ACSM4: variants seen among roughly 807,000 people sequenced by gnomAD.
The protein encoded by ACSM4 is acyl-CoA synthetase medium chain family member 4.
ACSM4 carries 66 observed loss-of-function variants against 73.0 expected under a neutral mutation model. That is an observed-to-expected ratio of 0.90 (90% CI 0.74 to 1.11). The LOEUF is 1.11. Among genes scored for constraint, ACSM4 ranks in the 50% least tolerant of loss-of-function variants. ACSM4 has a pLI of 0.00. For missense variants in ACSM4, 645 were observed against 714.4 expected (o/e 0.90, Z 1.11); for synonymous variants, 222 against 254.0 (o/e 0.87, Z 1.20).
In ACSM4 at chr12:7,328,433, C is replaced by T; in HGVS notation, c.*60C>T. ...TGGTTGCTTTCTTTTAGTATTTGTT[C>T]CGATAATTCAGCGACTACTCTCTTA... On this transcript the variant is annotated 3_prime_UTR_variant, in exon 13 of 13. Coordinates refer to ENST00000399422, the MANE Select transcript of ACSM4 (RefSeq NM_001080454.2). 7.8e-7 allele frequency: 1 copy of T among 1,277,678 alleles called. No individual in the cohort carries two copies. Among genetic ancestry groups the T allele is most frequent in the Non-Finnish European group, 1.1e-6 (1 of 935,800 alleles). 79.1% of individuals were successfully genotyped at this position (1,277,678 alleles called of 1,614,324 possible).
intron 9 of ACSM4, 125 bp from the exon 10 acceptor site, chr12:7,324,148 T>A: frequency 8.6e-7 from 1 of 1,167,602 alleles, no homozygotes; most frequent in South Asian, 1.7e-5. Flanking sequence ...AGAGAGAGAC[T>A]CTGTCTCAAA....
chr12:7,318,957 G>A (rs1946440625), intron 5 of ACSM4, among the ~76,000 whole-genome samples: 1 of 152,154 alleles, frequency 6.6e-6, no homozygotes, highest in South Asian at 2.1e-4. Context: ...ATTTTCCCAT[G>A]GACTAGGGGG....
At chr12:7,319,967 C>A (rs373331990) in intron 5 of ACSM4, among the ~76,000 whole-genome samples, 1 of 152,258 alleles carries the variant, frequency 6.6e-6, no homozygotes, top group South Asian at 2.1e-4. Context: ...TTAGACTCTG[C>A]GGAGCAGATA....
At chr12:7,310,232 C>T (rs1310993031) in intron 2 of ACSM4, among the ~76,000 whole-genome samples, 2 of 152,162 alleles carry the variant, frequency 1.3e-5, no homozygotes, top group African/African-American at 4.8e-5. Context: ...ATAATGTCTG[C>T]TCAGACACTT....
rs1314154409 is a variant in ACSM4, at chr12:7,306,637, C to T, written c.306C>T (p.Ala102=). Residue 102 remains alanine (A), a synonymous_variant, in exon 2 of 13, where the codon GCC becomes GCT. Coordinates refer to ENST00000399422, the MANE Select transcript of ACSM4 (RefSeq NM_001080454.2). ...RELGSLSRKA[A]NVLTKPCGLQ... is the part of the protein sequence containing the mutation. ...TGGGCTCCTTGTCCCGAAAAGCTGC[C>T]AACGTGCTCACCAAGCCCTGTGGCC... The T allele has an allele frequency of 6.2e-7, 1 of 1,607,600 alleles. No individual in the cohort carries two copies. Among genetic ancestry groups the T allele is most frequent in the Admixed American group, 1.7e-5 (1 of 59,116 alleles).
intron 3 of ACSM4, among the ~76,000 whole-genome samples, chr12:7,312,761 T>A (rs1395013712): frequency 6.6e-6 from 1 of 152,230 alleles, no homozygotes; most frequent in Admixed American, 6.5e-5. Flanking sequence ...CTTAGCTTAA[T>A]GCCTGGCACA....
intron 3 of ACSM4, among the ~76,000 whole-genome samples, chr12:7,313,641 A>G (rs1278357827): frequency 6.6e-6 from 1 of 152,160 alleles, no homozygotes; most frequent in Non-Finnish European, 1.5e-5. Context: ...TCCTAGTACA[A>G]AGGACCGTGT....
chr12:7,322,769 T>A (rs1405603548), intron 7 of ACSM4, among the ~76,000 whole-genome samples: 1 of 152,164 alleles, frequency 6.6e-6, no homozygotes, highest in African/African-American at 2.4e-5. Context: ...GCAGGATAAA[T>A]CTCAGAGGCG....
chr12:7,322,340 G>A lies in ACSM4; in HGVS notation c.1002-78G>A, dbSNP rs904165778. ...GCCTCTCCTAGCTGCTATGCTTACT[G>A]CTTGAATGTCCTAATTGTCTTGCAG... is the stretch of plus-strand genomic sequence containing the variant. On this transcript the variant is annotated intron_variant, in intron 6 of 12. Transcript: ENST00000399422. 5 of 1,590,612 alleles carry A rather than the reference G, an allele frequency of 3.1e-6. No homozygotes were observed. The African/African-American group carries it at 6.7e-5, about 21-fold the overall frequency.
chr12:7,317,938 A>T (rs7968312), intron 4 of ACSM4, 88 bp from the exon 5 acceptor site: 1,315,528 of 1,423,194 alleles, frequency 0.92, 608,588 homozygotes, highest in African/African-American at 0.97. Context: ...CTTAAGATAT[A>T]GGGGCAAAGT....
chr12:7,306,527 G>C lies in ACSM4; in HGVS notation c.202-6G>C. The C allele has an allele frequency of 1.3e-6, 2 of 1,582,658 alleles. No homozygotes were observed. Among genetic ancestry groups the C allele is most frequent in the Non-Finnish European group, 1.7e-6 (2 of 1,164,590 alleles). On this transcript the variant is annotated splice_polypyrimidine_tract_variant and splice_region_variant and intron_variant, in intron 1 of 12. Coordinates refer to ENST00000399422, the MANE Select transcript of ACSM4 (RefSeq NM_001080454.2). The stretch of plus-strand genomic sequence containing the variant: ...ACCCCTCTCTTTTCCATGTGTCCCT[G>C]GTCAGACAGGGGAGAGACCAGCTAA...
intron 3 of ACSM4, among the ~76,000 whole-genome samples, chr12:7,315,696 A>C (rs780119721): frequency 3.9e-5 from 6 of 152,214 alleles, no homozygotes; most frequent in Non-Finnish European, 8.8e-5. Flanking sequence ...TTCATCATTG[A>C]GTAACAAACC....
At chr12:7,307,037 G>A (rs769829972) in intron 2 of ACSM4, among the ~76,000 whole-genome samples, 2 of 152,242 alleles carry the variant, frequency 1.3e-5, no homozygotes, top group Non-Finnish European at 2.9e-5. Context: ...GGTGGATCAC[G>A]AAGTCAGGAG....
chr12:7,324,903 T>C (rs898295124), intron 11 of ACSM4, among the ~76,000 whole-genome samples: 2 of 152,210 alleles, frequency 1.3e-5, no homozygotes, highest in African/African-American at 4.8e-5. Flanking sequence ...CAAAGGTTCA[T>C]GTGAGGTTGG....
chr12:7,317,302 G>GT lies in ACSM4; in HGVS notation c.764+27dup, dbSNP rs767192953. ...GAAGGTAGGGAAGAAAATTCAGTTT[G>GT]TTTTTGGTGAACTCCCCCAAAGCTG... is the stretch of plus-strand genomic sequence containing the variant. On this transcript the variant is annotated intron_variant, in intron 4 of 12. Coordinates refer to ENST00000399422, the MANE Select transcript of ACSM4 (RefSeq NM_001080454.2). 2.8e-5 allele frequency: 43 copies of GT among 1,539,348 alleles called. 1 individual carries two copies. In the South Asian group the frequency reaches 2.8e-4, roughly 10 times the overall value.
chr12:7,325,781 A>G (rs1946499379), intron 11 of ACSM4, among the ~76,000 whole-genome samples: 1 of 152,226 alleles, frequency 6.6e-6, no homozygotes, highest in Non-Finnish European at 1.5e-5. Flanking sequence ...CCCTATTTTC[A>G]TAATTGCTTT....
At chr12:7,317,100 C>T in intron 3 of ACSM4, 37 bp from the exon 4 acceptor site, 1 of 1,586,408 alleles carries the variant, frequency 6.3e-7, no homozygotes, top group Non-Finnish European at 8.6e-7. Context: ...ACTGGTCTGC[C>T]ATCTTCCACC....
At chr12:7,324,710 G>C in intron 11 of ACSM4, 112 bp downstream of exon 11, 1 of 1,177,316 alleles carries the variant, frequency 8.5e-7, no homozygotes, top group Non-Finnish European at 1.2e-6. Context: ...TCGTTATGAA[G>C]CATGCATTTG....
chr12:7,315,626 T>A (rs756071143), intron 3 of ACSM4, among the ~76,000 whole-genome samples: 3 of 151,904 alleles, frequency 2.0e-5, no homozygotes, highest in Non-Finnish European at 4.4e-5. Context: ...AATAAAAAAA[T>A]AAATAAAAAT....
Sources: allele counts gnomAD v4.1 joint callset (sites outside exome capture counted in the v4.1 genomes callset), GRCh38; gene constraint gnomAD v4.1.1; transcripts MANE v1.5; gene names NCBI Gene and HGNC (gene_info 2026-07-23, HGNC 2026-07-21).